LINGO2: variants seen among roughly 807,000 people sequenced by gnomAD.
LINGO2 encodes leucine rich repeat and Ig domain containing 2.
In LINGO2, 14 loss-of-function variants were observed where a neutral mutation model predicts 30.6. That is an observed-to-expected ratio of 0.46 (90% CI 0.30 to 0.72). The LOEUF is 0.72. Ranked by LOEUF, LINGO2 falls within the 30% of genes least tolerant of loss-of-function variation. The pLI is 0.07. For missense variants in LINGO2, 729 were observed against 751.7 expected, an observed-to-expected ratio of 0.97 and a Z score of 0.35; for synonymous variants, 317 against 288.5, an observed-to-expected ratio of 1.10 and a Z score of -1.00.
the LINGO2 span, among the ~76,000 whole-genome samples, chr9:29,101,929 T>C: frequency 1.2e-4 from 18 of 152,174 alleles, no homozygotes; most frequent in Non-Finnish European, 2.4e-4. Context: ...AGTAACTTCC[T>C]GGATATATTA....
rs192955761 is a variant in LINGO2 at position 28,623,828 on chromosome 9, C to T, written c.-365+46372G>A. 3.9e-3 allele frequency among the ~76,000 whole-genome samples: 591 copies of T among 152,118 alleles called. 3 individuals carry two copies. Among genetic ancestry groups the T allele is most frequent in the African/African-American group, 0.013 (531 of 41,542 alleles). Reference sequence around the variant, plus strand: ...AACATTCATTCTTCCAATCTATGAACGTGGAAAATCATTCCATTTTTTGTA... The same window carrying T: ...AACATTCATTCTTCCAATCTATGAATGTGGAAAATCATTCCATTTTTTGTA... On this transcript the variant is annotated intron_variant, in intron 1 of 5. Coordinates refer to ENST00000379992, the Ensembl canonical transcript of LINGO2.
intron 4 of LINGO2, among the ~76,000 whole-genome samples, chr9:28,288,292 A>C (rs983232885): frequency 6.6e-6 from 1 of 152,162 alleles, no homozygotes; most frequent in Non-Finnish European, 1.5e-5. Flanking sequence ...TTATTTTTAC[A>C]TAATGGCGAC....
intron 4 of LINGO2, among the ~76,000 whole-genome samples, chr9:28,238,526 A>T (rs1422962126): frequency 6.6e-6 from 1 of 152,178 alleles, no homozygotes; most frequent in Admixed American, 6.5e-5. Flanking sequence ...TGGAAATTAA[A>T]CAATGTGCTC....
intron 4 of LINGO2, among the ~76,000 whole-genome samples, chr9:28,061,846 GT>G (rs1286692200): frequency 1.3e-5 from 2 of 152,030 alleles, no homozygotes; most frequent in African/African-American, 4.8e-5. Flanking sequence ...TCAAGCCCCA[GT>G]TTTCACATCT....
the LINGO2 span, among the ~76,000 whole-genome samples, chr9:28,745,151 C>T: frequency 2.0e-5 from 3 of 152,002 alleles, no homozygotes; most frequent in Non-Finnish European, 4.4e-5. Flanking sequence ...CATTGGGCAT[C>T]AACACGGTCT....
intron 5 of LINGO2, among the ~76,000 whole-genome samples, chr9:27,989,139 C>T (rs1023276574): frequency 6.6e-6 from 1 of 151,876 alleles, no homozygotes; most frequent in African/African-American, 2.4e-5. Context: ...ATTTGCAATC[C>T]TTCTTTCTCC....
intron 4 of LINGO2, among the ~76,000 whole-genome samples, chr9:28,104,262 G>GTTTTTTTTT (rs1364642044): frequency 1.8e-5 from 1 of 55,808 alleles, no homozygotes; most frequent in African/African-American, 6.8e-5. Context: ...CAAGTTTTTT[G>GTTTTTTTTT]TTTGTTTTTT....
chr9:28,890,682 A>G, the LINGO2 span, among the ~76,000 whole-genome samples: 1 of 152,074 alleles, frequency 6.6e-6, no homozygotes, highest in East Asian at 1.9e-4. Context: ...ATTGTTGAAT[A>G]TCTATTTATG....
chr9:28,421,207 A>C lies in LINGO2; in HGVS notation c.-278-48339T>G, dbSNP rs10812815. Among the ~76,000 whole-genome samples, 29 of 151,950 alleles carry C rather than the reference A, an allele frequency of 1.9e-4. No individual in the cohort carries two copies. In the South Asian group the frequency reaches 5.4e-3, roughly 28 times the overall value. The stretch of plus-strand genomic sequence containing the variant: ...AAACAATTTAATTTATAATAGCATC[A>C]AGAACAAGAATAAACCTAATTAAGA... On this transcript the variant is annotated intron_variant, in intron 2 of 5. Transcript: ENST00000379992.
rs151210301 is a variant in LINGO2, at chr9:28,042,004, T to C, written c.-86-29599A>G. Reference sequence around the variant, plus strand: ...TGTGACTTCCTAAGCTGTATGGTTTTGGGCAAGTAACTGAACTTCTAGATT... The same window carrying C: ...TGTGACTTCCTAAGCTGTATGGTTTCGGGCAAGTAACTGAACTTCTAGATT... On this transcript the variant is annotated intron_variant, in intron 4 of 5. Coordinates refer to ENST00000379992, the Ensembl canonical transcript of LINGO2. Among the ~76,000 whole-genome samples, 604 of 152,116 alleles carry C rather than the reference T, an allele frequency of 4.0e-3. 5 individuals carry two copies. The highest frequency in any genetic ancestry group is 0.014 in the African/African-American group (583 of 41,396).
At chr9:28,131,049 T>A (rs1488605712) in intron 4 of LINGO2, among the ~76,000 whole-genome samples, 2 of 152,070 alleles carry the variant, frequency 1.3e-5, no homozygotes, top group Admixed American at 6.6e-5. Context: ...CTCCCTCCCC[T>A]TATCTCCTCA....
chr9:28,633,654 C>T (rs1246001949), intron 1 of LINGO2, among the ~76,000 whole-genome samples: 2 of 152,138 alleles, frequency 1.3e-5, no homozygotes, highest in Non-Finnish European at 2.9e-5. Context: ...GCCCTACTTC[C>T]TCTACTATAT....
At chr9:28,916,651 T>C in the LINGO2 span, among the ~76,000 whole-genome samples, 1 of 152,236 alleles carries the variant, frequency 6.6e-6, no homozygotes, top group Non-Finnish European at 1.5e-5. Context: ...ATCCATGTAT[T>C]GATTGACGTT....
chr9:28,131,182 A>G lies in LINGO2; in HGVS notation c.-86-118777T>C, dbSNP rs557650207. Among the ~76,000 whole-genome samples the G allele has an allele frequency of 1.3e-3, 191 of 151,974 alleles. 1 individual carries two copies. The Middle Eastern group carries it at 0.017, about 14-fold the overall frequency. On this transcript the variant is annotated intron_variant, in intron 4 of 5. Transcript: ENST00000379992. ...CATTTCATCTTAAAAAAAAAAAAAA[A>G]CATGAGTGATTAGTGATGTCTAACA...
chr9:29,066,192 T>C, the LINGO2 span, among the ~76,000 whole-genome samples: 4 of 151,860 alleles, frequency 2.6e-5, no homozygotes, highest in African/African-American at 7.2e-5. Context: ...AATCCCAAAT[T>C]GAATAGGATC....
At chr9:28,293,695 AT>A (rs200431239) in intron 4 of LINGO2, among the ~76,000 whole-genome samples, 8 of 151,892 alleles carry the variant, frequency 5.3e-5, no homozygotes, top group East Asian at 3.9e-4. Context: ...TCCAAAAAAA[AT>A]TTTTTTTTAA....
intron 4 of LINGO2, among the ~76,000 whole-genome samples, chr9:28,117,907 A>C (rs1390968016): frequency 6.6e-6 from 1 of 152,238 alleles, no homozygotes; most frequent in Non-Finnish European, 1.5e-5. Context: ...TTAATAGCAC[A>C]AGACATGGGG....
intron 1 of LINGO2, among the ~76,000 whole-genome samples, chr9:28,662,969 C>A (rs1010807111): frequency 6.6e-6 from 1 of 152,078 alleles, no homozygotes; most frequent in Non-Finnish European, 1.5e-5. Context: ...AAGTTTCACA[C>A]ATCAAGGGTA....
the LINGO2 span, among the ~76,000 whole-genome samples, chr9:28,714,110 G>C: frequency 2.7e-5 from 4 of 150,592 alleles, no homozygotes; most frequent in Non-Finnish European, 5.9e-5. Flanking sequence ...AGTGAGCTGA[G>C]ATTCTGCCAC....
Sources: gnomAD v4.1 joint callset for allele counts (sites outside exome capture counted in the v4.1 genomes callset) on GRCh38, gnomAD v4.1.1 for gene constraint, MANE v1.5 for transcripts, NCBI Gene and HGNC (gene_info 2026-07-23, HGNC 2026-07-21) for gene names.